Variants in SHCBP1 observed in about 807,000 individuals in gnomAD.
SHCBP1 encodes the protein SHC binding and spindle associated 1, also known as SHC SH2 domain-binding protein 1.
In SHCBP1, 60 loss-of-function variants were observed where a neutral mutation model predicts 75.1. The ratio of observed to expected loss-of-function variants is 0.80; its 90% CI spans 0.65 to 0.99. The LOEUF is 0.99. SHCBP1 is among the 50% of genes least tolerant of loss of function. The pLI is 0.00. For synonymous variants in SHCBP1, 290 were observed against 293.2 expected, an observed-to-expected ratio of 0.99 and a Z score of 0.11; for missense variants, 709 against 809.4, an observed-to-expected ratio of 0.88 and a Z score of 1.50.
Position 46,579,072 on chromosome 16 carries a change from A to C in SHCBP1, c.*2657T>G, listed in dbSNP as rs1384199964. Among the ~76,000 whole-genome samples, 1 of 152,244 alleles carries C rather than the reference A, an allele frequency of 6.6e-6. No individual in the cohort carries two copies. The highest frequency in any genetic ancestry group is 1.5e-5 in the Non-Finnish European group (1 of 68,038). On this transcript the variant is annotated 3_prime_UTR_variant, in exon 13 of 13. Transcript: ENST00000303383. ...TCTATGGTGCAATAATACAACAAGAAACTGAAGAAGGGAAATACATCTAAA... is the reference window on the plus strand; with the variant it reads ...TCTATGGTGCAATAATACAACAAGACACTGAAGAAGGGAAATACATCTAAA...
Position 46,612,444 on chromosome 16 carries a change from C to T in SHCBP1, c.596+3502G>A, listed in dbSNP as rs1965431464. On this transcript the variant is annotated intron_variant, in intron 4 of 12. Transcript: ENST00000303383. ...TTATTGTAGATTGGGCTGTTAGTCC[C>T]TTCACCCTCTAGTGGAGTCTTTTGT... Among the ~76,000 whole-genome samples the T allele has an allele frequency of 2.0e-5, 3 of 152,130 alleles. No homozygotes were observed. The South Asian group carries it at 6.2e-4, about 32-fold the overall frequency.
rs1365430135 is a variant in SHCBP1, at chr16:46,578,716, T to G, written c.*3013A>C. On this transcript the variant is annotated 3_prime_UTR_variant, in exon 13 of 13. Transcript: ENST00000303383. Reference sequence around the variant, plus strand: ...TATTTAATCACAGAATAAAACAAAATGTTATAAAATTAAATGCTATGCATA... The same window carrying G: ...TATTTAATCACAGAATAAAACAAAAGGTTATAAAATTAAATGCTATGCATA... Among the ~76,000 whole-genome samples the G allele has an allele frequency of 6.6e-6, 1 of 152,120 alleles. No homozygotes were observed. Among genetic ancestry groups the G allele is most frequent in the Non-Finnish European group, 1.5e-5 (1 of 68,010 alleles).
Position 46,584,042 on chromosome 16 carries a change from G to T in SHCBP1, c.1512C>A (p.Asp504Glu), listed in dbSNP as rs890860367. Residue 504 changes from aspartate to glutamate, a missense_variant, in exon 11 of 13, where the codon GAC becomes GAA. By Grantham distance (45) the Asp-to-Glu change is conservative (BLOSUM62 2). Coordinates refer to ENST00000303383, the MANE Select transcript of SHCBP1 (RefSeq NM_024745.5). ...CTTCCTTGCAGTGATGGATCCCATT[G>T]TCACTCAGGGTGCACTGACTCCCAG... ...IYPGSQCTLSDNGIHHCKEGI... is the reference protein window; with the variant it reads ...IYPGSQCTLSENGIHHCKEGI... The T allele has an allele frequency of 3.7e-6, 6 of 1,606,686 alleles. No individual in the cohort carries two copies. The highest frequency in any genetic ancestry group is 5.1e-6 in the Non-Finnish European group (6 of 1,176,110).
chr16:46,621,156 G>T, intron 1 of SHCBP1, 101 bp downstream of exon 1: 1 of 1,081,162 alleles, frequency 9.2e-7, no homozygotes, highest in Non-Finnish European at 1.3e-6. Context: ...ACCCTGGACA[G>T]ACGGGTCCGG....
chr16:46,611,025 T>C (rs746391094), intron 4 of SHCBP1, among the ~76,000 whole-genome samples: 5 of 152,138 alleles, frequency 3.3e-5, no homozygotes, highest in Non-Finnish European at 7.4e-5. Context: ...CCACTGTCTG[T>C]GTGGAGTATG....
At chr16:46,589,891 G>T (rs569175417) in intron 10 of SHCBP1, among the ~76,000 whole-genome samples, 38 of 152,274 alleles carry the variant, frequency 2.5e-4, no homozygotes, top group South Asian at 6.2e-4. Flanking sequence ...AACAAAGCTG[G>T]AGGCATCACG....
In SHCBP1 at chr16:46,584,018, T is replaced by C; in HGVS notation, c.1536A>G (p.Glu512=). 1 of 1,607,088 alleles carries C rather than the reference T, an allele frequency of 6.2e-7. No homozygotes were observed. Among genetic ancestry groups the C allele is most frequent in the South Asian group, 1.1e-5 (1 of 89,504 alleles). Residue 512 remains glutamate, a synonymous_variant, in exon 11 of 13, where the codon GAA becomes GAG. Transcript: ENST00000303383. ...TGATGCTCACCTTAATGAGGATCCC[T>C]TCCTTGCAGTGATGGATCCCATTGT... is the stretch of plus-strand genomic sequence containing the variant. ...LSDNGIHHCK[E]GILIKDFLDE...
chr16:46,595,235 G>A (rs1450517221), intron 10 of SHCBP1, among the ~76,000 whole-genome samples: 1 of 152,078 alleles, frequency 6.6e-6, no homozygotes, highest in Non-Finnish European at 1.5e-5. Flanking sequence ...TTACCATTAG[G>A]GGACACTGGT....
intron 5 of SHCBP1, among the ~76,000 whole-genome samples, chr16:46,606,506 C>T (rs1432835821): frequency 1.3e-5 from 2 of 152,200 alleles, no homozygotes; most frequent in Non-Finnish European, 2.9e-5. Flanking sequence ...TTGTCGTTAG[C>T]ACATGCAAGG....
At chr16:46,618,116 C>A (rs1179136729) in intron 2 of SHCBP1, 89 bp downstream of exon 2, 4 of 1,292,044 alleles carry the variant, frequency 3.1e-6, no homozygotes, top group Non-Finnish European at 3.1e-6. Context: ...GCGGAGGTTG[C>A]GGTGAGCCGA....
At chr16:46,620,308 A>C (rs921821992) in intron 1 of SHCBP1, among the ~76,000 whole-genome samples, 4 of 152,178 alleles carry the variant, frequency 2.6e-5, no homozygotes, top group African/African-American at 4.8e-5. Context: ...TGCTGTATGT[A>C]CATCAGATCC....
In SHCBP1 at chr16:46,580,945, C is replaced by T. The variant is rs1424612496; in HGVS notation, c.*784G>A. ...TTTATTTTTAGTAGAGACAGGGTCT[C>T]ACTATGTTGCCTAGGCTAGTCTTGA... On this transcript the variant is annotated 3_prime_UTR_variant, in exon 13 of 13. Transcript: ENST00000303383. 6.6e-6 allele frequency: 1 copy of T among 151,898 alleles called. No individual in the cohort carries two copies. The highest frequency in any genetic ancestry group is 1.5e-5 in the Non-Finnish European group (1 of 68,018). The allele number at this position is 151,898 out of a possible 1,614,324, so 9.4% of individuals were successfully genotyped here.
chr16:46,585,667 T>C (rs1964945497), intron 10 of SHCBP1, among the ~76,000 whole-genome samples: 1 of 152,160 alleles, frequency 6.6e-6, no homozygotes, highest in African/African-American at 2.4e-5. Flanking sequence ...CCTGCAGCAG[T>C]GTCAGTGAAA....
rs530621113 is a variant in SHCBP1 at position 46,611,956 on chromosome 16, T to G, written c.597-3567A>C. 2.0e-5 allele frequency among the ~76,000 whole-genome samples: 3 copies of G among 152,380 alleles called. 1 individual carries two copies. Among genetic ancestry groups the G allele is most frequent in the African/African-American group, 7.2e-5 (3 of 41,594 alleles). ...CACTTTCTTCATGTATTGGTTGGAA[T>G]ACTTTTATAAAGAAATTCCTCAGGT... is the stretch of plus-strand genomic sequence containing the variant. On this transcript the variant is annotated intron_variant, in intron 4 of 12. Coordinates refer to ENST00000303383, the MANE Select transcript of SHCBP1 (RefSeq NM_024745.5).
In SHCBP1 at chr16:46,582,121, TAC is replaced by T. The variant is rs558776533; in HGVS notation, c.1694-69_1694-68del. ...CTAACCCAACAAAAACATATATTTC[TAC>T]ACAGTCTTCTCAACAAGCAGCTGCC... On this transcript the variant is annotated intron_variant, in intron 12 of 12. Transcript: ENST00000303383. 1,675 of 1,470,478 alleles carry T rather than the reference TAC, an allele frequency of 1.1e-3. 1 individual carries two copies. The highest frequency in any genetic ancestry group is 1.4e-3 in the Non-Finnish European group (1,555 of 1,099,106). The allele number at this position is 1,470,478 out of a possible 1,614,324, so 91.1% of individuals were successfully genotyped here.
At chr16:46,594,366 G>C (rs560712134) in intron 10 of SHCBP1, among the ~76,000 whole-genome samples, 1 of 152,162 alleles carries the variant, frequency 6.6e-6, no homozygotes, top group East Asian at 1.9e-4. Flanking sequence ...CTAGTATCTA[G>C]AATATACAGA....
chr16:46,599,943 G>A lies in SHCBP1; in HGVS notation c.1233C>T (p.Asp411=). ...CTTTGCCCCTCTTTTCTATCACAAT[G>A]TCATCTGGTAGGCCATATCCTAAGG... is the stretch of plus-strand genomic sequence containing the variant. The part of the protein sequence containing the change: ...IELEGYGLPD[D]IVIEKRGKGD... The change falls in exon 9 of 13, where the codon GAC becomes GAT. Residue 411 remains aspartate (D), a synonymous_variant. Transcript: ENST00000303383. The A allele has an allele frequency of 6.2e-7, 1 of 1,613,394 alleles. No homozygotes were observed. The highest frequency in any genetic ancestry group is 8.5e-7 in the Non-Finnish European group (1 of 1,179,746).
At chr16:46,597,270 G>A (rs1209050434) in intron 9 of SHCBP1, among the ~76,000 whole-genome samples, 5 of 152,080 alleles carry the variant, frequency 3.3e-5, no homozygotes, top group African/African-American at 4.8e-5. Context: ...TTAGCAAGAC[G>A]TGATGGCACA....
At chr16:46,586,872 G>A (rs114414593) in intron 10 of SHCBP1, among the ~76,000 whole-genome samples, 3,400 of 151,966 alleles carry the variant, frequency 0.022, 108 homozygotes, top group African/African-American at 0.077. Flanking sequence ...GGAATGAGGA[G>A]GAAATCAAGA....
Sources: gnomAD v4.1 joint callset for allele counts (sites outside exome capture counted in the v4.1 genomes callset) on GRCh38, gnomAD v4.1.1 for gene constraint, MANE v1.5 for transcripts, NCBI Gene and HGNC (gene_info 2026-07-23, HGNC 2026-07-21) for gene names.